The following ABHD18 variants were observed in gnomAD, a reference collection of about 807,000 sequenced individuals.
The protein encoded by ABHD18 is cardiolipin-specific deacylase, mitochondrial.
Under a neutral mutation model 65.9 loss-of-function variants are expected in ABHD18, and 55 were observed. That is an observed-to-expected ratio of 0.84 (90% confidence interval 0.67 to 1.05). The LOEUF (loss-of-function observed/expected upper bound fraction) is 1.05, where lower values mean the gene tolerates loss of function less well. Among genes scored for constraint, ABHD18 ranks in the 50% least tolerant of loss-of-function variants. ABHD18 has a pLI of 0.00. For missense variants in ABHD18, 533 were observed against 558.5 expected (o/e 0.95, Z 0.46); for synonymous variants, 181 against 180.2 (o/e 1.00, Z -0.04).
At chr4:127,994,137 G>C (rs1751361997) in intron 4 of ABHD18, among the ~76,000 whole-genome samples, 1 of 152,180 alleles carries the variant, frequency 6.6e-6, no homozygotes, top group Non-Finnish European at 1.5e-5. Flanking sequence ...TTAAAGAACA[G>C]TTTTAAGACT....
intron 4 of ABHD18, among the ~76,000 whole-genome samples, chr4:127,990,075 C>T (rs1050705321): frequency 1.3e-5 from 2 of 152,278 alleles, no homozygotes; most frequent in Admixed American, 6.5e-5. Flanking sequence ...ATTATCCATA[C>T]TGTGGATACC....
chr4:127,994,931 G>T (rs1004858031), intron 4 of ABHD18, among the ~76,000 whole-genome samples: 13 of 152,124 alleles, frequency 8.5e-5, no homozygotes, highest in Non-Finnish European at 1.6e-4. Context: ...CCAGGCTGGA[G>T]TGCAGTGGCG....
chr4:128,006,109 TGG>T (rs942344228), intron 4 of ABHD18, among the ~76,000 whole-genome samples: 1 of 152,164 alleles, frequency 6.6e-6, no homozygotes, highest in Non-Finnish European at 1.5e-5. Flanking sequence ...CATGGGACAC[TGG>T]GGAAGACTGT....
At chr4:127,993,592 A>T (rs979016563) in intron 4 of ABHD18, among the ~76,000 whole-genome samples, 11 of 152,222 alleles carry the variant, frequency 7.2e-5, no homozygotes, top group Non-Finnish European at 1.5e-4. Flanking sequence ...AGAAAAAAAA[A>T]TTCCACCAAT....
chr4:128,031,566 T>A (rs1232340459), intron 12 of ABHD18, among the ~76,000 whole-genome samples: 1 of 152,238 alleles, frequency 6.6e-6, no homozygotes, highest in East Asian at 1.9e-4. Flanking sequence ...AGTAAATTGA[T>A]TCACATAAAT....
At chr4:128,018,868 G>C (rs1425419024) in intron 8 of ABHD18, among the ~76,000 whole-genome samples, 7 of 151,938 alleles carry the variant, frequency 4.6e-5, no homozygotes, top group African/African-American at 1.5e-4. Flanking sequence ...ACAAAAACTA[G>C]CCGGGTGTGG....
chr4:128,029,328 C>A (rs1757860444), intron 11 of ABHD18, among the ~76,000 whole-genome samples: 1 of 152,060 alleles, frequency 6.6e-6, no homozygotes. Context: ...CCACTGCACT[C>A]CATCCTGGGT....
intron 12 of ABHD18, among the ~76,000 whole-genome samples, chr4:128,032,971 G>A (rs1758416536): frequency 6.6e-6 from 1 of 151,658 alleles, no homozygotes; most frequent in Admixed American, 6.6e-5. Context: ...TCCAGTGGGT[G>A]GGCCGGGCGT....
intron 4 of ABHD18, among the ~76,000 whole-genome samples, chr4:127,996,986 G>A (rs1579263596): frequency 6.6e-6 from 1 of 152,224 alleles, no homozygotes; most frequent in East Asian, 1.9e-4. Flanking sequence ...CAATCCATTT[G>A]TACAACAGTG....
At chr4:128,033,290 C>G (rs1457553174) in intron 12 of ABHD18, among the ~76,000 whole-genome samples, 1 of 152,020 alleles carries the variant, frequency 6.6e-6, no homozygotes, top group Non-Finnish European at 1.5e-5. Context: ...AATTTCAAAG[C>G]CCTCTTTACT....
chr4:127,989,987 G>A (rs374834373), intron 4 of ABHD18, among the ~76,000 whole-genome samples, 166 bp downstream of exon 4: 35 of 152,310 alleles, frequency 2.3e-4, no homozygotes, highest in Middle Eastern at 3.4e-3. Flanking sequence ...AGGAGTATAT[G>A]TACAAGGATA....
intron 4 of ABHD18, chr4:128,001,846 GTTTT>G: frequency 9.4e-7 from 1 of 1,060,718 alleles, no homozygotes; most frequent in South Asian, 2.3e-5. Context: ...GTTTTGTTTT[GTTTT>G]TTTTTTTAAT....
At position 127,980,594 on chromosome 4, in the gene ABHD18, C is replaced by A. The variant is rs991902903; in HGVS notation, c.-17-2345C>A. ...ATCCCAGCACTTTGAGAGGCCAAGG[C>A]GGACGGATAACCTCAGGTCAGGAGT... On this transcript the variant is annotated intron_variant, in intron 1 of 12. Transcript: ENST00000645843. Among the ~76,000 whole-genome samples the A allele has an allele frequency of 2.0e-5, 3 of 150,984 alleles. No individual in the cohort carries two copies. The Admixed American group carries it at 2.0e-4, about 10-fold the overall frequency.
chr4:128,024,909 C>G (rs1757111427), intron 10 of ABHD18, among the ~76,000 whole-genome samples: 1 of 152,020 alleles, frequency 6.6e-6, no homozygotes, highest in Non-Finnish European at 1.5e-5. Context: ...TCGGGCTGGT[C>G]TCGAACTCCT....
Position 128,039,171 on chromosome 4 carries a change from A to G in ABHD18, c.*3358A>G, listed in dbSNP as rs984900680. 1 of 138,656 alleles carries G rather than the reference A, an allele frequency of 7.2e-6. No homozygotes were observed. 8.6% of individuals were successfully genotyped at this position (138,656 alleles called of 1,614,324 possible). On this transcript the variant is annotated 3_prime_UTR_variant, in exon 13 of 13. Transcript: ENST00000645843. ...TATATATATATATATATATATATAT[A>G]TATATATATATATAATCTCAAAGAA...
chr4:128,002,381 G>A (rs1752813186), intron 4 of ABHD18, among the ~76,000 whole-genome samples: 1 of 151,476 alleles, frequency 6.6e-6, no homozygotes, highest in African/African-American at 2.4e-5. Context: ...CTGGAGTCAA[G>A]TGATTCTCCT....
chr4:127,968,371 A>G (rs749300206), intron 1 of ABHD18, among the ~76,000 whole-genome samples: 5 of 152,262 alleles, frequency 3.3e-5, no homozygotes, highest in Non-Finnish European at 5.9e-5. Flanking sequence ...TTGTATAGAC[A>G]TTATTTAGAA....
In ABHD18 at chr4:127,989,784, G is replaced by A; in HGVS notation, c.241G>A (p.Val81Met). The change falls in exon 4 of 13, where the codon GTG (valine) becomes ATG (methionine). Residue 81 changes from valine (V) to methionine (M), a missense_variant. By Grantham distance (21) the Val-to-Met change is conservative (BLOSUM62 1). Around this residue, in one of 3 missense-constraint regions of ABHD18, gnomAD observed 309 missense variants for 313.5 expected, o/e 0.99. Coordinates refer to ENST00000645843, the MANE Select transcript of ABHD18 (RefSeq NM_001358451.3). ...GHFVSPMAHY[V>M]PDIMPIESVI... is the part of the protein sequence containing the mutation. Reference sequence around the variant, plus strand: ...CTTTGTTTCCCCCATGGCTCACTATGTGCCTGATATCATGCCAATTGAATC... The same window carrying A: ...CTTTGTTTCCCCCATGGCTCACTATATGCCTGATATCATGCCAATTGAATC... 1 of 1,601,128 alleles carries A rather than the reference G, an allele frequency of 6.2e-7. No individual in the cohort carries two copies. The highest frequency in any genetic ancestry group is 8.5e-7 in the Non-Finnish European group (1 of 1,173,626).
intron 4 of ABHD18, among the ~76,000 whole-genome samples, chr4:127,991,758 T>A (rs1750971370): frequency 6.6e-6 from 1 of 152,214 alleles, no homozygotes. Flanking sequence ...TGTATGGGCA[T>A]TTGAAAAATT....
Sources: gnomAD v4.1 joint callset for allele counts (sites outside exome capture counted in the v4.1 genomes callset) on GRCh38, gnomAD v4.1.1 for gene constraint, gnomAD v4.1.1 regional missense constraint, MANE v1.5 for transcripts, NCBI Gene and HGNC (gene_info 2026-07-23, HGNC 2026-07-21) for gene names.